The following CELF5 variants were observed in gnomAD, a reference collection of about 807,000 sequenced individuals.
CELF5 encodes the protein CUGBP Elav-like family member 5.
In CELF5, 6 loss-of-function variants were observed where a neutral mutation model predicts 54.9. That is an observed-to-expected ratio of 0.11 (90% CI 0.06 to 0.22). The LOEUF (loss-of-function observed/expected upper bound fraction) is 0.22. Among genes scored for constraint, CELF5 ranks in the 10% least tolerant of loss-of-function variants. The probability of loss-of-function intolerance (pLI) is 1.00; values close to 1 mark genes in which losing one functional copy is unlikely to be tolerated. For missense variants in CELF5, 401 were observed against 678.6 expected (o/e 0.59, Z 4.54); for synonymous variants, 271 against 290.9 (o/e 0.93, Z 0.70).
Position 3,253,241 on chromosome 19 carries a change from G to A in CELF5, c.342+2174G>A, listed in dbSNP as rs1467960963. 2.6e-5 allele frequency among the ~76,000 whole-genome samples: 4 copies of A among 152,138 alleles called. No homozygotes were observed. The East Asian group carries it at 5.8e-4, about 22-fold the overall frequency. ...GGGACCATATTAGTTATTTATTGCT[G>A]CATAACAAATTATCCCCAAAATAAA... On this transcript the variant is annotated intron_variant, in intron 2 of 12. Coordinates refer to ENST00000292672, the MANE Select transcript of CELF5 (RefSeq NM_021938.4).
intron 2 of CELF5, among the ~76,000 whole-genome samples, chr19:3,257,653 T>G (rs2079748150): frequency 6.6e-6 from 1 of 151,496 alleles, no homozygotes; most frequent in Non-Finnish European, 1.5e-5. Flanking sequence ...TTTTTGTATT[T>G]TTAGTAGAGA....
rs1019291791 is a variant in CELF5 at position 3,268,940 on chromosome 19, C to T, written c.343-4932C>T. 6.6e-6 allele frequency among the ~76,000 whole-genome samples: 1 copy of T among 152,010 alleles called. No individual in the cohort carries two copies. Among genetic ancestry groups the T allele is most frequent in the Non-Finnish European group, 1.5e-5 (1 of 68,000 alleles). Reference sequence around the variant, plus strand: ...GCGGGGAGGAATGACTGGGGCTGAGCAGCAAAGGGCCCTCAAATGCCAGGA... The same window carrying T: ...GCGGGGAGGAATGACTGGGGCTGAGTAGCAAAGGGCCCTCAAATGCCAGGA... On this transcript the variant is annotated intron_variant, in intron 2 of 12. Coordinates refer to ENST00000292672, the MANE Select transcript of CELF5 (RefSeq NM_021938.4). The surrounding 1 kb of genome is among the most constrained non-coding windows in gnomAD (Gnocchi z 4.4).
chr19:3,243,333 C>T (rs368807866), intron 1 of CELF5, among the ~76,000 whole-genome samples: 5 of 152,168 alleles, frequency 3.3e-5, no homozygotes, highest in African/African-American at 9.6e-5. Flanking sequence ...CAGGCTGGAA[C>T]ACAGTGGCAC....
chr19:3,248,698 C>A (rs975334806), intron 1 of CELF5, among the ~76,000 whole-genome samples: 24 of 152,110 alleles, frequency 1.6e-4, no homozygotes, highest in Non-Finnish European at 2.9e-4. Context: ...TATCTCTGTT[C>A]GAGTCCCTGC....
At chr19:3,240,668 C>A (rs1399089187) in intron 1 of CELF5, among the ~76,000 whole-genome samples, 4 of 151,842 alleles carry the variant, frequency 2.6e-5, no homozygotes, top group Admixed American at 2.0e-4. Flanking sequence ...ACACACCAGG[C>A]AGGCTCTTGT....
Position 3,275,847 on chromosome 19 carries a change from C to T in CELF5, c.395-9C>T, listed in dbSNP as rs1331529223. On this transcript the variant is annotated splice_polypyrimidine_tract_variant and intron_variant, in intron 3 of 12. Transcript: ENST00000292672. The surrounding 1 kb of genome is among the most constrained non-coding windows in gnomAD (Gnocchi z 6.7). Reference sequence around the variant, plus strand: ...GGGACTCGGCTGAGGTGGGTGTCGCCGCCCACAGGGGACCGGAAGCTGTTC... The same window carrying T: ...GGGACTCGGCTGAGGTGGGTGTCGCTGCCCACAGGGGACCGGAAGCTGTTC... 1.2e-6 allele frequency: 2 copies of T among 1,601,416 alleles called. No individual in the cohort carries two copies. Among genetic ancestry groups the T allele is most frequent in the East Asian group, 2.2e-5 (1 of 44,510 alleles).
At chr19:3,238,624 C>G (rs1045854947) in intron 1 of CELF5, among the ~76,000 whole-genome samples, 1 of 152,128 alleles carries the variant, frequency 6.6e-6, no homozygotes, top group South Asian at 2.1e-4. Flanking sequence ...TGCGTCTCCT[C>G]TCCTCTGTGT....
intron 2 of CELF5, among the ~76,000 whole-genome samples, chr19:3,256,189 G>T (rs944855023): frequency 5.3e-5 from 8 of 152,034 alleles, no homozygotes; most frequent in East Asian, 1.9e-4. Flanking sequence ...ACCCAGCCAG[G>T]GTTCCCACCC....
At chr19:3,280,894 C>T (rs2080138500) in intron 5 of CELF5, among the ~76,000 whole-genome samples, 1 of 152,172 alleles carries the variant, frequency 6.6e-6, no homozygotes, top group Non-Finnish European at 1.5e-5. Flanking sequence ...CCCTGTTCTC[C>T]AGCGGCGGGA....
At position 3,228,137 on chromosome 19, in the gene CELF5, CAGAG is replaced by C. The variant is rs140813532; in HGVS notation, c.259+3153_259+3156del. Among the ~76,000 whole-genome samples the C allele has an allele frequency of 1.3e-5, 2 of 149,736 alleles. No homozygotes were observed. The highest frequency in any genetic ancestry group is 4.9e-5 in the African/African-American group (2 of 40,952). On this transcript the variant is annotated intron_variant, in intron 1 of 12. Transcript: ENST00000292672. This position sits in a 1 kb window ranked among gnomAD's most constrained non-coding sequence, Gnocchi z 6.0. Reference sequence around the variant, plus strand: ...AGAGAGAGAGAGAGAGATGAGGACACAGAGAGAGAGAGAGAGACACGCAGGGAAA... The same window carrying C: ...AGAGAGAGAGAGAGAGATGAGGACACAGAGAGAGAGAGACACGCAGGGAAA...
intron 5 of CELF5, among the ~76,000 whole-genome samples, chr19:3,279,322 C>T (rs2080109988): frequency 6.6e-6 from 1 of 152,026 alleles, no homozygotes. Flanking sequence ...ACTGCCCTTC[C>T]CCCGAGGAAG....
chr19:3,263,682 A>G (rs1286808345), intron 2 of CELF5, among the ~76,000 whole-genome samples: 1 of 152,206 alleles, frequency 6.6e-6, no homozygotes, highest in Admixed American at 6.5e-5. Context: ...AGGCGGGTGG[A>G]TCACCTGAGG....
chr19:3,271,856 G>A (rs2079970621), intron 2 of CELF5, among the ~76,000 whole-genome samples: 1 of 151,836 alleles, frequency 6.6e-6, no homozygotes, highest in East Asian at 1.9e-4. Flanking sequence ...TCAGTGGGGA[G>A]ACTTTGGGGG....
intron 4 of CELF5, among the ~76,000 whole-genome samples, chr19:3,277,096 T>C (rs2315915): frequency 0.23 from 34,833 of 152,156 alleles, 4,160 homozygotes; most frequent in African/African-American, 0.28. Context: ...GAGCTCATCA[T>C]GTGGGACCGA....
chr19:3,260,274 G>A (rs994797606), intron 2 of CELF5, among the ~76,000 whole-genome samples: 5 of 150,700 alleles, frequency 3.3e-5, no homozygotes, highest in East Asian at 2.0e-4. Flanking sequence ...CCACCACCAC[G>A]CCCAGCTAAT....
At chr19:3,277,543 CT>C (rs5826806) in intron 4 of CELF5, among the ~76,000 whole-genome samples, 42,973 of 148,856 alleles carry the variant, frequency 0.29, 6,776 homozygotes, top group East Asian at 0.59. Flanking sequence ...CAATGAAGTG[CT>C]TTTTTTTTCT....
At chr19:3,252,581 C>A (rs994429004) in intron 2 of CELF5, among the ~76,000 whole-genome samples, 5 of 152,132 alleles carry the variant, frequency 3.3e-5, no homozygotes, top group Admixed American at 1.3e-4. Flanking sequence ...GCATTCGTAG[C>A]CTTCGTGCTT....
rs1430152206 is a variant in CELF5, at chr19:3,296,951, T to C, written c.*234T>C. 2.0e-5 allele frequency: 3 copies of C among 147,376 alleles called. No homozygotes were observed. Among genetic ancestry groups the C allele is most frequent in the Admixed American group, 1.4e-4 (2 of 14,578 alleles). 9.1% of individuals were successfully genotyped at this position (147,376 alleles called of 1,614,324 possible). On this transcript the variant is annotated 3_prime_UTR_variant, in exon 13 of 13. Transcript: ENST00000292672. ...GCGGCTGAAGAGGTTGGTGTTCCTG[T>C]TACGTGTTTCAGGTGAGAAGCAGCA...
intron 1 of CELF5, among the ~76,000 whole-genome samples, chr19:3,233,156 A>T (rs1390294788): frequency 6.6e-6 from 1 of 152,008 alleles, no homozygotes; most frequent in South Asian, 2.1e-4. Context: ...ACGTGGTGGC[A>T]TGTGCCTAGA....
Sources: gnomAD v4.1 joint callset for allele counts (sites outside exome capture counted in the v4.1 genomes callset) on GRCh38, gnomAD v4.1.1 for gene constraint, Gnocchi (gnomAD v3.1) non-coding constraint, MANE v1.5 for transcripts, NCBI Gene and HGNC (gene_info 2026-07-23, HGNC 2026-07-21) for gene names.